The following ORC3 variants were observed in gnomAD, a reference collection of about 807,000 sequenced individuals.
The protein encoded by ORC3 is origin recognition complex subunit 3.
Under a neutral mutation model 100.7 loss-of-function variants are expected in ORC3, and 78 were observed. The ratio of observed to expected loss-of-function variants is 0.77; its 90% CI spans 0.65 to 0.94. ORC3 has a LOEUF of 0.94. Among genes scored for constraint, ORC3 ranks in the 40% least tolerant of loss-of-function variants. ORC3 has a pLI of 0.00. For missense variants in ORC3, 789 were observed against 823.9 expected, an observed-to-expected ratio of 0.96 and a Z score of 0.52; for synonymous variants, 295 against 289.3, an observed-to-expected ratio of 1.02 and a Z score of -0.20.
downstream of ORC3, among the ~76,000 whole-genome samples, chr6:87,669,524 G>A (rs943100252): frequency 3.3e-5 from 5 of 152,210 alleles, no homozygotes; most frequent in African/African-American, 1.2e-4. Flanking sequence ...TTGACACCTT[G>A]GAATCCATGT....
downstream of ORC3, among the ~76,000 whole-genome samples, chr6:87,668,092 A>G (rs1017069787): frequency 2.6e-5 from 4 of 152,224 alleles, no homozygotes; most frequent in African/African-American, 9.6e-5. Context: ...GATCTCTTCT[A>G]TGGCAGAAAC....
At chr6:87,603,582 ATTTTT>A (rs1169963672) in intron 4 of ORC3, 54 bp downstream of exon 4, 1 of 1,176,384 alleles carries the variant, frequency 8.5e-7, no homozygotes, top group Non-Finnish European at 1.2e-6. Flanking sequence ...TCGTTTTTAA[ATTTTT>A]TTTTATTGTT....
chr6:87,662,898 G>A (rs1339517987), intron 16 of ORC3, 105 bp from the exon 17 acceptor site: 1 of 619,754 alleles, frequency 1.6e-6, no homozygotes, highest in Non-Finnish European at 2.3e-6. Context: ...ATGTTATAGT[G>A]AAAATTGAAG....
intron 19 of ORC3, 93 bp downstream of exon 19, chr6:87,665,926 G>A (rs902021590): frequency 4.8e-5 from 34 of 707,850 alleles, no homozygotes; most frequent in Admixed American, 1.9e-4. Flanking sequence ...TTATAAAGGC[G>A]TACTCCAAAC....
Position 87,647,247 on chromosome 6 carries a change from C to A in ORC3, c.1383-5869C>A, listed in dbSNP as rs562600752. On this transcript the variant is annotated intron_variant, in intron 13 of 19. Coordinates refer to ENST00000392844, the MANE Select transcript of ORC3 (RefSeq NM_012381.4). ...ATACAGTGACACTATGTGACTGCCCCCCTCCTCTCCCCACATGGCCTCTCT... is the reference window on the plus strand; with the variant it reads ...ATACAGTGACACTATGTGACTGCCCACCTCCTCTCCCCACATGGCCTCTCT... Among the ~76,000 whole-genome samples the A allele has an allele frequency of 9.9e-5, 15 of 152,146 alleles. 1 individual carries two copies. The highest frequency in any genetic ancestry group is 8.5e-4 in the Admixed American group (13 of 15,274).
chr6:87,635,630 C>T (rs1256784143), intron 12 of ORC3, among the ~76,000 whole-genome samples: 1 of 152,032 alleles, frequency 6.6e-6, no homozygotes, highest in Non-Finnish European at 1.5e-5. Context: ...AACCCTGTCT[C>T]TACTAAAAAT....
chr6:87,620,837 A>G (rs28381502), intron 9 of ORC3, among the ~76,000 whole-genome samples: 194 of 152,314 alleles, frequency 1.3e-3, no homozygotes, highest in African/African-American at 3.9e-3. Flanking sequence ...GCTTATATCT[A>G]CCAGATAGTA....
chr6:87,668,685 A>G (rs1770767388), downstream of ORC3, among the ~76,000 whole-genome samples: 2 of 152,316 alleles, frequency 1.3e-5, no homozygotes, highest in South Asian at 2.1e-4. Context: ...CTTTAAGCAC[A>G]TAAAAATGCT....
In ORC3 at chr6:87,657,959, G is replaced by C. The variant is rs1769852533; in HGVS notation, c.1632G>C (p.Lys544Asn). The change falls in exon 16 of 20, where the codon AAG becomes AAC. Residue 544 changes from lysine (K) to asparagine (N), a missense_variant. This residue lies in a region of ORC3 where 366 missense variants were observed against 394.2 expected (regional missense o/e 0.93). Coordinates refer to ENST00000392844, the MANE Select transcript of ORC3 (RefSeq NM_012381.4). ...LEMKELRRSK[K>N]QTKFEVLREN... ...TGAAGGAGTTAAGAAGAAGTAAGAA[G>C]CAAACCAAATTTGAAGTACTCAGAG... 2 of 1,602,130 alleles carry C rather than the reference G, an allele frequency of 1.2e-6. No homozygotes were observed. Among genetic ancestry groups the C allele is most frequent in the East Asian group, 4.5e-5 (2 of 44,812 alleles).
At chr6:87,673,012 TA>T in the ORC3 span, among the ~76,000 whole-genome samples, 4 of 152,080 alleles carry the variant, frequency 2.6e-5, no homozygotes, top group Non-Finnish European at 5.9e-5. Context: ...CCTAGGTAGC[TA>T]AAATAATCTA....
chr6:87,593,830 G>T (rs1582986690), intron 1 of ORC3, among the ~76,000 whole-genome samples: 1 of 152,186 alleles, frequency 6.6e-6, no homozygotes, highest in East Asian at 1.9e-4. Context: ...CCGAGTAGCT[G>T]GGATTACAGG....
rs561840688 is a variant in ORC3 at position 87,608,402 on chromosome 6, C to T, written c.579+578C>T. ...AACCTAGGTTAACACTAGGTAATTG[C>T]GTCATAAAACCATAGTCTTAGGTTA... is the stretch of plus-strand genomic sequence containing the variant. On this transcript the variant is annotated intron_variant, in intron 6 of 19. Coordinates refer to ENST00000392844, the MANE Select transcript of ORC3 (RefSeq NM_012381.4). 9.9e-5 allele frequency among the ~76,000 whole-genome samples: 15 copies of T among 152,168 alleles called. No individual in the cohort carries two copies. In the South Asian group the frequency reaches 2.9e-3, roughly 29 times the overall value.
At chr6:87,605,508 G>A (rs780347657) in intron 4 of ORC3, among the ~76,000 whole-genome samples, 18 of 152,100 alleles carry the variant, frequency 1.2e-4, no homozygotes, top group African/African-American at 4.1e-4. Context: ...AAAATTAGCC[G>A]GTGTGGTGGC....
At chr6:87,649,773 C>G (rs937191057) in intron 13 of ORC3, among the ~76,000 whole-genome samples, 4 of 151,966 alleles carry the variant, frequency 2.6e-5, no homozygotes, top group African/African-American at 9.7e-5. Context: ...AAAATTTACC[C>G]TCTGTAATTT....
chr6:87,643,828 A>T (rs1768479385), intron 13 of ORC3, among the ~76,000 whole-genome samples: 1 of 152,180 alleles, frequency 6.6e-6, no homozygotes, highest in Non-Finnish European at 1.5e-5. Flanking sequence ...TCCATATATG[A>T]AATGGTATAT....
rs1244317071 is a variant in ORC3, at chr6:87,624,634, T to G, written c.1185+2621T>G. ...AATATAGGAAATTTTGTATTTGAACTGCAGTTACTCATTAGCTATCTATAT... is the reference window on the plus strand; with the variant it reads ...AATATAGGAAATTTTGTATTTGAACGGCAGTTACTCATTAGCTATCTATAT... On this transcript the variant is annotated intron_variant, in intron 11 of 19. Transcript: ENST00000392844. Among the ~76,000 whole-genome samples the G allele has an allele frequency of 3.3e-5, 5 of 152,334 alleles. No individual in the cohort carries two copies. In the East Asian group the frequency reaches 9.6e-4, roughly 29 times the overall value.
chr6:87,607,609 A>G, intron 5 of ORC3, 64 bp from the exon 6 acceptor site: 2 of 1,371,924 alleles, frequency 1.5e-6, no homozygotes, highest in South Asian at 1.4e-5. Flanking sequence ...AAGAAGTTTC[A>G]AGAGCTTTGG....
chr6:87,624,143 T>A (rs980846474), intron 11 of ORC3, among the ~76,000 whole-genome samples: 2 of 152,120 alleles, frequency 1.3e-5, no homozygotes, highest in East Asian at 1.9e-4. Flanking sequence ...AAAAGTTAGC[T>A]GCAGGCTACC....
At chr6:87,668,093 T>C (rs1466187902), downstream of ORC3, among the ~76,000 whole-genome samples, 1 of 152,218 alleles carries the variant, frequency 6.6e-6, no homozygotes, top group Non-Finnish European at 1.5e-5. Flanking sequence ...ATCTCTTCTA[T>C]GGCAGAAACT....
Sources: gnomAD v4.1 joint callset for allele counts (sites outside exome capture counted in the v4.1 genomes callset) on GRCh38, gnomAD v4.1.1 for gene constraint, gnomAD v4.1.1 regional missense constraint, MANE v1.5 for transcripts, NCBI Gene and HGNC (gene_info 2026-07-23, HGNC 2026-07-21) for gene names.